Variants in HMCN1 observed in about 807,000 individuals in gnomAD.
The protein encoded by HMCN1 is hemicentin 1.
HMCN1 carries 321 observed loss-of-function variants against 625.9 expected under a neutral mutation model. The observed-to-expected ratio is 0.51, with a 90% CI of 0.47 to 0.56. The LOEUF is 0.56. Among genes scored for constraint, HMCN1 ranks in the 20% least tolerant of loss-of-function variants. The probability of loss-of-function intolerance (pLI) is 0.00; values close to 1 mark genes in which losing one functional copy is unlikely to be tolerated. For missense variants in HMCN1, 6,588 were observed against 6,887.3 expected (o/e 0.96, Z 1.54); for synonymous variants, 2,425 against 2,417.6 (o/e 1.00, Z -0.09).
At chr1:185,819,611 C>T (rs1168023170) in intron 1 of HMCN1, among the ~76,000 whole-genome samples, 1 of 152,020 alleles carries the variant, frequency 6.6e-6, no homozygotes, top group East Asian at 1.9e-4. Context: ...TAATTTTGCA[C>T]CTGCTTCTTT....
intron 1 of HMCN1, among the ~76,000 whole-genome samples, chr1:185,830,664 A>T (rs978479584): frequency 6.6e-6 from 1 of 152,036 alleles, no homozygotes; most frequent in Non-Finnish European, 1.5e-5. Flanking sequence ...GGCTGGGCAG[A>T]TCACTTGAGC....
chr1:186,042,342 C>G (rs1404585565), intron 40 of HMCN1, among the ~76,000 whole-genome samples: 1 of 152,120 alleles, frequency 6.6e-6, no homozygotes, highest in African/African-American at 2.4e-5. Context: ...GAGACTGATT[C>G]ATCAATCAAT....
At position 185,898,933 on chromosome 1, in the gene HMCN1, G is replaced by C. The variant is rs1411568945; in HGVS notation, c.622-10404G>C. 2.0e-5 allele frequency among the ~76,000 whole-genome samples: 3 copies of C among 151,996 alleles called. No homozygotes were observed. The East Asian group carries it at 5.8e-4, about 29-fold the overall frequency. On this transcript the variant is annotated intron_variant, in intron 4 of 106. Coordinates refer to ENST00000271588, the MANE Select transcript of HMCN1 (RefSeq NM_031935.3). ...TGATGATTGCCATTTGATTGGTGTG[G>C]TAAATGGGTTGCAATCAATGTGTGA... is the stretch of plus-strand genomic sequence containing the variant.
chr1:186,043,353 T>C (rs932174208), intron 40 of HMCN1, among the ~76,000 whole-genome samples: 2 of 152,064 alleles, frequency 1.3e-5, no homozygotes, highest in African/African-American at 4.8e-5. Flanking sequence ...AAAAAATACA[T>C]GTTTTGGTAA....
chr1:186,087,471 T>G lies in HMCN1; in HGVS notation c.9189T>G (p.Ser3063Arg), dbSNP rs772603207. The stretch of plus-strand genomic sequence containing the variant: ...CCCCAAGCATTAAAGACCATGACAG[T>G]GAATCTCTTTCTGTAGTTAATGTAA... ...YVPPSIKDHD[S>R]ESLSVVNVRE... Residue 3063 changes from serine to arginine, a missense_variant, in exon 60 of 107, where the codon AGT becomes AGG. By Grantham distance (110) the Ser-to-Arg change is moderately radical (BLOSUM62 -1). This residue lies in a region of HMCN1 where 4,628 missense variants were observed against 4,853.1 expected (regional missense o/e 0.95). Coordinates refer to ENST00000271588, the MANE Select transcript of HMCN1 (RefSeq NM_031935.3). 6.2e-7 allele frequency: 1 copy of G among 1,613,114 alleles called. No homozygotes were observed. Among genetic ancestry groups the G allele is most frequent in the Non-Finnish European group, 8.5e-7 (1 of 1,179,458 alleles).
At chr1:186,067,206 C>T (rs1342430868) in intron 49 of HMCN1, among the ~76,000 whole-genome samples, 2 of 152,092 alleles carry the variant, frequency 1.3e-5, no homozygotes, top group African/African-American at 2.4e-5. Flanking sequence ...TCAGTAATGC[C>T]CTAAATCTTT....
intron 44 of HMCN1, among the ~76,000 whole-genome samples, chr1:186,055,130 T>G (rs1657225768): frequency 6.6e-6 from 1 of 152,004 alleles, no homozygotes; most frequent in Non-Finnish European, 1.5e-5. Context: ...TTTGTATAGC[T>G]TCTCAAAAGT....
intron 11 of HMCN1, among the ~76,000 whole-genome samples, chr1:185,937,654 G>A (rs1310157502): frequency 1.3e-5 from 2 of 152,106 alleles, no homozygotes; most frequent in African/African-American, 4.8e-5. Context: ...GGCCGAGATG[G>A]GCAGATCATG....
intron 11 of HMCN1, among the ~76,000 whole-genome samples, chr1:185,950,828 G>A (rs1668617654): frequency 6.6e-6 from 1 of 151,932 alleles, no homozygotes; most frequent in African/African-American, 2.4e-5. Context: ...TTGAGGATAG[G>A]AGAGTATATG....
intron 1 of HMCN1, among the ~76,000 whole-genome samples, chr1:185,781,678 T>C (rs1340881656): frequency 1.3e-5 from 2 of 152,272 alleles, no homozygotes; most frequent in Non-Finnish European, 2.9e-5. Flanking sequence ...TTCTTAATCC[T>C]GAGTTCTTAT....
chr1:185,941,169 T>G (rs982186553), intron 11 of HMCN1, among the ~76,000 whole-genome samples: 8 of 152,184 alleles, frequency 5.3e-5, no homozygotes, highest in South Asian at 2.1e-4. Context: ...GAATACTTTT[T>G]AAAGAGTATG....
chr1:185,884,849 A>T (rs905639593), intron 4 of HMCN1, among the ~76,000 whole-genome samples: 3 of 152,160 alleles, frequency 2.0e-5, no homozygotes, highest in Admixed American at 6.5e-5. Flanking sequence ...GATTATTCTG[A>T]AAAAATGGCT....
chr1:185,842,254 T>C (rs893933283), intron 1 of HMCN1, among the ~76,000 whole-genome samples: 4 of 152,202 alleles, frequency 2.6e-5, no homozygotes, highest in Non-Finnish European at 1.5e-5. Context: ...CAACGTATTT[T>C]TGTTAAATAG....
At chr1:186,188,145 A>G in intron 106 of HMCN1, 136 bp downstream of exon 106, 1 of 1,061,904 alleles carries the variant, frequency 9.4e-7, no homozygotes, top group Non-Finnish European at 1.4e-6. Context: ...GGGTTACAGT[A>G]AGTATTCTCT....
Position 186,170,645 on chromosome 1 carries a change from G to T in HMCN1, c.15575-692G>T, listed in dbSNP as rs145848773. On this transcript the variant is annotated intron_variant, in intron 100 of 106. Transcript: ENST00000271588. ...TCCTCATCTTGGTGAGGAAGGGTAA[G>T]ATGGGCTGCAGAGCTCAAAAGCTCA... Among the ~76,000 whole-genome samples, 311 of 152,314 alleles carry T rather than the reference G, an allele frequency of 2.0e-3. 4 individuals carry two copies. Among genetic ancestry groups the T allele is most frequent in the African/African-American group, 7.0e-3 (291 of 41,570 alleles).
At position 186,054,014 on chromosome 1, in the gene HMCN1, C is replaced by T; in HGVS notation, c.6862+28C>T. 1.9e-6 allele frequency: 3 copies of T among 1,604,126 alleles called. No homozygotes were observed. In the Admixed American group the frequency reaches 5.0e-5, roughly 27 times the overall value. On this transcript the variant is annotated intron_variant, in intron 44 of 106. Transcript: ENST00000271588. ...AAGTTGTTGATTAGCCAGGCTTTGG[C>T]AAAATGTTCTCTTAAATCTTTTCAT...
chr1:185,754,567 G>A (rs1020484221), intron 1 of HMCN1, among the ~76,000 whole-genome samples: 2 of 151,964 alleles, frequency 1.3e-5, no homozygotes, highest in Non-Finnish European at 2.9e-5. Flanking sequence ...CTTGTTGGAC[G>A]TATAATTCTT....
chr1:185,989,438 G>A (rs1558122086), intron 20 of HMCN1, 50 bp from the exon 21 acceptor site: 5 of 1,604,154 alleles, frequency 3.1e-6, no homozygotes, highest in Admixed American at 3.3e-5. Context: ...TTATAATCTT[G>A]AAACAAACAA....
At position 186,130,078 on chromosome 1, in the gene HMCN1, A is replaced by G. The variant is rs1423003757; in HGVS notation, c.13017A>G (p.Ala4339=). The change falls in exon 84 of 107, where the codon GCA becomes GCG. Residue 4339 remains alanine (A), a synonymous_variant. Coordinates refer to ENST00000271588, the MANE Select transcript of HMCN1 (RefSeq NM_031935.3). ...TAENSVGFVK[A]IGFVYVKEPP... ...AGAACAGCGTTGGCTTTGTGAAGGC[A>G]ATTGGATTTGTTTATGTGAAAGGTA... 5.6e-6 allele frequency: 9 copies of G among 1,613,130 alleles called. No homozygotes were observed. The highest frequency in any genetic ancestry group is 6.8e-6 in the Non-Finnish European group (8 of 1,179,388).
Sources: gnomAD v4.1 joint callset for allele counts (sites outside exome capture counted in the v4.1 genomes callset) on GRCh38, gnomAD v4.1.1 for gene constraint, gnomAD v4.1.1 regional missense constraint, MANE v1.5 for transcripts, NCBI Gene and HGNC (gene_info 2026-07-23, HGNC 2026-07-21) for gene names.